The following ZNF609 variants were observed in gnomAD, a reference collection of about 807,000 sequenced individuals.
The protein encoded by ZNF609 is zinc finger protein 609.
A neutral mutation model predicts 109.5 loss-of-function variants in ZNF609; 11 were observed. That is an observed-to-expected ratio of 0.10 (90% CI 0.06 to 0.17). The LOEUF (loss-of-function observed/expected upper bound fraction) is 0.17. ZNF609 is among the 10% of genes least tolerant of loss of function. The pLI is 1.00. For missense variants in ZNF609, 1,559 were observed against 1,772.4 expected (o/e 0.88, Z 2.16); for synonymous variants, 646 against 662.0 (o/e 0.98, Z 0.37).
At chr15:64,584,935 T>A (rs188896638) in intron 2 of ZNF609, among the ~76,000 whole-genome samples, 2,230 of 148,454 alleles carry the variant, frequency 0.015, 24 homozygotes, top group Middle Eastern at 0.034. Flanking sequence ...CTGCTATTTT[T>A]AAAAATATAA....
chr15:64,543,802 C>T (rs1042937967), intron 2 of ZNF609, among the ~76,000 whole-genome samples: 1 of 152,170 alleles, frequency 6.6e-6, no homozygotes, highest in Non-Finnish European at 1.5e-5. Flanking sequence ...AAGTTTTACT[C>T]TGATGAGTTT....
chr15:64,593,071 C>A (rs1003607909), intron 2 of ZNF609: 6 of 1,591,924 alleles, frequency 3.8e-6, no homozygotes, highest in East Asian at 2.2e-5. Context: ...GATGCGTGCC[C>A]AAAGACAAGG....
intron 1 of ZNF609, among the ~76,000 whole-genome samples, chr15:64,461,620 C>T (rs141061240): frequency 6.6e-6 from 1 of 152,298 alleles, no homozygotes; most frequent in East Asian, 1.9e-4. Flanking sequence ...AGCAAACAGT[C>T]ATTTCAGCTT....
At chr15:64,650,948 G>C (rs535072162) in intron 3 of ZNF609, among the ~76,000 whole-genome samples, 236 of 152,132 alleles carry the variant, frequency 1.6e-3, no homozygotes, top group African/African-American at 5.5e-3. Context: ...AAAAATGTTT[G>C]TTACTGGCCC....
At chr15:64,515,137 C>T (rs1893787779) in intron 2 of ZNF609, among the ~76,000 whole-genome samples, 1 of 152,166 alleles carries the variant, frequency 6.6e-6, no homozygotes, top group Admixed American at 6.5e-5. Flanking sequence ...CTACCTGGGA[C>T]ATTCATTATA....
intron 3 of ZNF609, among the ~76,000 whole-genome samples, chr15:64,650,841 C>T (rs921087822): frequency 3.4e-5 from 5 of 146,706 alleles, no homozygotes; most frequent in East Asian, 2.0e-4. Context: ...ATAGCTAATG[C>T]GATTGTGAAA....
At chr15:64,666,984 G>T (rs1350160231) in intron 3 of ZNF609, among the ~76,000 whole-genome samples, 1 of 152,150 alleles carries the variant, frequency 6.6e-6, no homozygotes, top group African/African-American at 2.4e-5. Context: ...ACAAAAATTA[G>T]CCGGGTGTGG....
At chr15:64,495,972 C>T (rs1397481638) in intron 1 of ZNF609, among the ~76,000 whole-genome samples, 1 of 152,010 alleles carries the variant, frequency 6.6e-6, no homozygotes, top group Non-Finnish European at 1.5e-5. Context: ...GCACATGCCA[C>T]CACACCCAGC....
At chr15:64,601,391 G>A (rs574927202) in intron 2 of ZNF609, among the ~76,000 whole-genome samples, 10 of 152,286 alleles carry the variant, frequency 6.6e-5, no homozygotes, top group South Asian at 4.1e-4. Context: ...CACTCATGTG[G>A]AAAGTTTAAA....
intron 2 of ZNF609, among the ~76,000 whole-genome samples, chr15:64,542,258 G>C (rs1419433914): frequency 2.0e-5 from 3 of 152,094 alleles, no homozygotes; most frequent in African/African-American, 7.2e-5. Flanking sequence ...TCTCAAACTT[G>C]GAACTTTGCA....
At chr15:64,483,983 C>G (rs1893294997) in intron 1 of ZNF609, among the ~76,000 whole-genome samples, 1 of 151,426 alleles carries the variant, frequency 6.6e-6, no homozygotes, top group African/African-American at 2.4e-5. Flanking sequence ...CCCCATTGCA[C>G]TGTGCTGCTT....
chr15:64,664,582 A>G (rs1896622080), intron 3 of ZNF609, among the ~76,000 whole-genome samples: 1 of 152,134 alleles, frequency 6.6e-6, no homozygotes, highest in African/African-American at 2.4e-5. Flanking sequence ...AGCCCCTAAT[A>G]GAGAAACTTG....
chr15:64,631,744 A>G (rs1896083750), intron 3 of ZNF609: 1 of 220,260 alleles, frequency 4.5e-6, no homozygotes, highest in Non-Finnish European at 8.8e-6. Context: ...GGGTTTCTCC[A>G]TGTTGGTCAG....
At chr15:64,591,184 T>G (rs1272875056) in intron 2 of ZNF609, among the ~76,000 whole-genome samples, 1 of 151,960 alleles carries the variant, frequency 6.6e-6, no homozygotes, top group African/African-American at 2.4e-5. Context: ...AATCCCAGCA[T>G]TTTGGGAGAC....
At chr15:64,547,060 G>A (rs1894376912) in intron 2 of ZNF609, among the ~76,000 whole-genome samples, 1 of 152,126 alleles carries the variant, frequency 6.6e-6, no homozygotes, top group Admixed American at 6.5e-5. Context: ...AAAGTGCTGG[G>A]ATTACAGGCA....
intron 6 of ZNF609, among the ~76,000 whole-genome samples, chr15:64,679,691 C>A (rs1402056115): frequency 6.6e-6 from 1 of 152,220 alleles, no homozygotes; most frequent in Non-Finnish European, 1.5e-5. Flanking sequence ...CTGAGCCAGG[C>A]GCTGTCCTCT....
chr15:64,504,254 C>T (rs1014741793), intron 2 of ZNF609, among the ~76,000 whole-genome samples: 2 of 152,206 alleles, frequency 1.3e-5, no homozygotes, highest in Non-Finnish European at 2.9e-5. Context: ...TAATTCAAGG[C>T]AGTTCCAGAG....
At chr15:64,480,240 A>C (rs1596378274) in intron 1 of ZNF609, among the ~76,000 whole-genome samples, 1 of 149,768 alleles carries the variant, frequency 6.7e-6, no homozygotes, top group Middle Eastern at 3.6e-3. Flanking sequence ...CTCCATCTCC[A>C]AAAAAAAGGT....
intron 2 of ZNF609, among the ~76,000 whole-genome samples, chr15:64,533,862 A>T (rs930028592): frequency 2.6e-5 from 4 of 152,142 alleles, no homozygotes; most frequent in African/African-American, 9.7e-5. Flanking sequence ...ACAGTCCATC[A>T]ATCTTACTCA....
Sources: allele counts gnomAD v4.1 joint callset (sites outside exome capture counted in the v4.1 genomes callset), GRCh38; gene constraint gnomAD v4.1.1; transcripts MANE v1.5; gene names NCBI Gene and HGNC (gene_info 2026-07-23, HGNC 2026-07-21).